Variants in LIMCH1 observed in about 807,000 individuals in gnomAD.
The protein encoded by LIMCH1 is LIM and calponin homology domains-containing protein 1.
LIMCH1 carries 113 observed loss-of-function variants against 176.5 expected under a neutral mutation model. That is an observed-to-expected ratio of 0.64 (90% CI 0.55 to 0.75). The LOEUF (loss-of-function observed/expected upper bound fraction) is 0.75. Ranked by LOEUF, LIMCH1 falls within the 30% of genes least tolerant of loss-of-function variation. The pLI is 0.00. For missense variants in LIMCH1, 1,674 were observed against 1,814.9 expected (o/e 0.92, Z 1.41); for synonymous variants, 619 against 645.9 (o/e 0.96, Z 0.63).
intron 1 of LIMCH1, among the ~76,000 whole-genome samples, chr4:41,377,610 G>C (rs1231881905): frequency 6.6e-6 from 1 of 152,164 alleles, no homozygotes; most frequent in Non-Finnish European, 1.5e-5. Flanking sequence ...TTTGTTTTCT[G>C]TTGCTATAAC....
Position 41,657,972 on chromosome 4 carries a change from A to G in LIMCH1, c.3037-3448A>G, listed in dbSNP as rs190316377. Reference sequence around the variant, plus strand: ...GCAGTTTGAATCACTTCAGCAATAAACAAGACTCTTAGGTGATAGATTGCC... The same window carrying G: ...GCAGTTTGAATCACTTCAGCAATAAGCAAGACTCTTAGGTGATAGATTGCC... On this transcript the variant is annotated intron_variant, in intron 18 of 31. Transcript: ENST00000503057. Among the ~76,000 whole-genome samples, 707 of 152,262 alleles carry G rather than the reference A, an allele frequency of 4.6e-3. 5 individuals are homozygous for G. Among genetic ancestry groups the G allele is most frequent in the African/African-American group, 0.015 (628 of 41,542 alleles).
chr4:41,458,948 G>C (rs2064966197), intron 1 of LIMCH1, among the ~76,000 whole-genome samples: 1 of 152,042 alleles, frequency 6.6e-6, no homozygotes. Context: ...GAGTCATTTA[G>C]TTGCTGTTCA....
intron 28 of LIMCH1, among the ~76,000 whole-genome samples, chr4:41,686,546 C>T (rs1720907959): frequency 6.6e-6 from 1 of 152,176 alleles, no homozygotes; most frequent in African/African-American, 2.4e-5. Flanking sequence ...AAAATGTTAA[C>T]ATTCATAGTA....
intron 1 of LIMCH1, among the ~76,000 whole-genome samples, chr4:41,388,930 A>G (rs1422439706): frequency 6.6e-6 from 1 of 152,262 alleles, no homozygotes; most frequent in African/African-American, 2.4e-5. Context: ...GGCGTGAGCC[A>G]CTGCACCCAG....
intron 1 of LIMCH1, among the ~76,000 whole-genome samples, chr4:41,596,596 A>G (rs1322065662): frequency 1.3e-5 from 2 of 152,226 alleles, no homozygotes; most frequent in Non-Finnish European, 2.9e-5. Flanking sequence ...TGGGTCCTTT[A>G]AAATGGACTC....
chr4:41,694,480 CATAT>C (rs1439901506), intron 31 of LIMCH1, among the ~76,000 whole-genome samples: 1 of 152,128 alleles, frequency 6.6e-6, no homozygotes, highest in African/African-American at 2.4e-5. Flanking sequence ...AGGTGATGAT[CATAT>C]AGTCATGGTG....
chr4:41,423,981 C>G (rs1382046683), intron 1 of LIMCH1, among the ~76,000 whole-genome samples: 1 of 152,244 alleles, frequency 6.6e-6, no homozygotes, highest in East Asian at 1.9e-4. Context: ...TTCTGAGCAT[C>G]AGAATAACAA....
At chr4:41,427,943 G>GAAAAAAAAAAA (rs11365470) in intron 1 of LIMCH1, among the ~76,000 whole-genome samples, 1 of 129,770 alleles carries the variant, frequency 7.7e-6, no homozygotes. Context: ...CATCTATTTG[G>GAAAAAAAAAAA]AAAAAAAAAA....
At chr4:41,597,776 A>G (rs7665916) in intron 1 of LIMCH1, among the ~76,000 whole-genome samples, 13,205 of 152,252 alleles carry the variant, frequency 0.087, 1,889 homozygotes, top group African/African-American at 0.3. Flanking sequence ...TCAACTTGCT[A>G]GTGACATATC....
intron 1 of LIMCH1, among the ~76,000 whole-genome samples, chr4:41,561,803 A>G (rs1032011716): frequency 6.6e-6 from 1 of 152,176 alleles, no homozygotes; most frequent in African/African-American, 2.4e-5. Context: ...GTAACCAACA[A>G]TTCTATTCTT....
chr4:41,658,978 A>G (rs1378325625), intron 18 of LIMCH1, among the ~76,000 whole-genome samples: 3 of 152,204 alleles, frequency 2.0e-5, no homozygotes, highest in Non-Finnish European at 4.4e-5. Flanking sequence ...TTTTCTATAT[A>G]GATGTCATAA....
intron 1 of LIMCH1, among the ~76,000 whole-genome samples, chr4:41,456,284 T>TCC (rs2064587446): frequency 6.6e-6 from 1 of 152,218 alleles, no homozygotes; most frequent in Non-Finnish European, 1.5e-5. Context: ...TCACCCTGGA[T>TCC]AGTTTTATTT....
intron 21 of LIMCH1, among the ~76,000 whole-genome samples, chr4:41,670,492 A>G (rs2094975968): frequency 6.6e-6 from 1 of 152,182 alleles, no homozygotes; most frequent in South Asian, 2.1e-4. Flanking sequence ...TTCATCTAAC[A>G]CCAAAGAAGA....
At chr4:41,531,759 G>C (rs1294731760) in intron 3 of LIMCH1, among the ~76,000 whole-genome samples, 1 of 152,116 alleles carries the variant, frequency 6.6e-6, no homozygotes, top group African/African-American at 2.4e-5. Context: ...TCATGGGTAG[G>C]GGAGAAGGAA....
intron 8 of LIMCH1, among the ~76,000 whole-genome samples, chr4:41,627,287 T>C (rs2093030711): frequency 6.6e-6 from 1 of 152,120 alleles, no homozygotes; most frequent in Non-Finnish European, 1.5e-5. Context: ...AGTGTGTAGA[T>C]GTGCTGAATC....
At chr4:41,518,615 G>T (rs1047678471) in intron 2 of LIMCH1, among the ~76,000 whole-genome samples, 1 of 152,110 alleles carries the variant, frequency 6.6e-6, no homozygotes, top group Non-Finnish European at 1.5e-5. Context: ...TGTGCAGAAC[G>T]TGCAGGTTTG....
chr4:41,674,640 C>G (rs1200249123), intron 22 of LIMCH1, among the ~76,000 whole-genome samples: 1 of 101,618 alleles, frequency 9.8e-6, no homozygotes, highest in South Asian at 2.8e-4. Context: ...TTTGATATGC[C>G]CAACCTACTG....
intron 1 of LIMCH1, among the ~76,000 whole-genome samples, chr4:41,420,636 A>G (rs1008190299): frequency 6.6e-6 from 1 of 152,206 alleles, no homozygotes; most frequent in Non-Finnish European, 1.5e-5. Flanking sequence ...CTCCTCCCCA[A>G]GGAGGTGAGA....
In LIMCH1 at chr4:41,613,509, G is replaced by C; in HGVS notation, c.53G>C (p.Ser18Thr). 1 of 1,614,080 alleles carries C rather than the reference G, an allele frequency of 6.2e-7. No homozygotes were observed. The highest frequency in any genetic ancestry group is 8.5e-7 in the Non-Finnish European group (1 of 1,180,004). The change falls in exon 5 of 32, where the codon AGT (serine) becomes ACT (threonine). Residue 18 changes from serine to threonine, a missense_variant. Ser to Thr is a moderately conservative substitution (Grantham distance 58). This residue lies in a region of LIMCH1 where 655 missense variants were observed against 692.2 expected (regional missense o/e 0.95). Coordinates refer to ENST00000503057, the MANE Select transcript of LIMCH1 (RefSeq NM_001330672.2). ...IESPKRSIRD[S>T]GYIDCWDSER... ...AGTCCTAAACGCAGTATCCGAGACA[G>C]TGGCTACATCGACTGCTGGGATTCC...
Sources: gnomAD v4.1 joint callset for allele counts (sites outside exome capture counted in the v4.1 genomes callset) on GRCh38, gnomAD v4.1.1 for gene constraint, gnomAD v4.1.1 regional missense constraint, MANE v1.5 for transcripts, NCBI Gene and HGNC (gene_info 2026-07-23, HGNC 2026-07-21) for gene names.